The following KIAA2012 variants were observed in gnomAD, a reference collection of about 807,000 sequenced individuals.
KIAA2012 encodes uncharacterized protein KIAA2012.
A neutral mutation model predicts 150.6 loss-of-function variants in KIAA2012; 125 were observed. The observed-to-expected ratio is 0.83, with a 90% CI of 0.72 to 0.96. The LOEUF (loss-of-function observed/expected upper bound fraction) is 0.96, where lower values mean the gene tolerates loss of function less well. Among genes scored for constraint, KIAA2012 ranks in the 40% least tolerant of loss-of-function variants. The pLI, the probability that KIAA2012 is intolerant of heterozygous loss-of-function variation, is 0.00. For synonymous variants in KIAA2012, 462 were observed against 504.7 expected (o/e 0.92, Z 1.13); for missense variants, 1,219 against 1,354.9 (o/e 0.90, Z 1.57).
At chr2:202,166,920 C>T (rs1269380561) in intron 15 of KIAA2012, among the ~76,000 whole-genome samples, 1 of 152,166 alleles carries the variant, frequency 6.6e-6, no homozygotes, top group Non-Finnish European at 1.5e-5. Flanking sequence ...AAATACAAAA[C>T]TTTCCACTTT....
intron 21 of KIAA2012, among the ~76,000 whole-genome samples, chr2:202,195,250 GCTCACA>G (rs1283565047): frequency 1.3e-5 from 2 of 151,582 alleles, no homozygotes; most frequent in Non-Finnish European, 2.9e-5. Flanking sequence ...AGGTGTGGTG[GCTCACA>G]CCTATAATCC....
At chr2:202,182,786 C>T (rs1559231150) in intron 15 of KIAA2012, among the ~76,000 whole-genome samples, 2 of 152,140 alleles carry the variant, frequency 1.3e-5, no homozygotes, top group African/African-American at 4.8e-5. Context: ...TTCCAAACAG[C>T]AGTAGATGAG....
At chr2:202,141,762 AC>A (rs1370832537) in intron 13 of KIAA2012, among the ~76,000 whole-genome samples, 1 of 152,122 alleles carries the variant, frequency 6.6e-6, no homozygotes, top group Non-Finnish European at 1.5e-5. Context: ...TATTGCTCTT[AC>A]CTCGGTGAGC....
intron 22 of KIAA2012, chr2:202,202,017 C>T (rs1692539790): frequency 7.0e-6 from 4 of 574,920 alleles, no homozygotes; most frequent in Non-Finnish European, 1.2e-5. Context: ...GTGGCGCTGC[C>T]GCCGCAGTTT....
chr2:202,150,744 G>C (rs1691410572), intron 13 of KIAA2012, among the ~76,000 whole-genome samples: 1 of 152,132 alleles, frequency 6.6e-6, no homozygotes, highest in African/African-American at 2.4e-5. Context: ...CACCGCACCT[G>C]TCCATTCCAT....
chr2:202,170,952 A>C (rs1691874045), intron 15 of KIAA2012, among the ~76,000 whole-genome samples: 1 of 152,206 alleles, frequency 6.6e-6, no homozygotes, highest in African/African-American at 2.4e-5. Flanking sequence ...AGAGTGGTTA[A>C]GTACCACATC....
intron 13 of KIAA2012, among the ~76,000 whole-genome samples, chr2:202,146,631 CAAAA>C (rs34039489): frequency 5.2e-5 from 4 of 76,506 alleles, no homozygotes; most frequent in Non-Finnish European, 7.4e-5. Flanking sequence ...GACTCCATCT[CAAAA>C]AAAAAAAAAA....
chr2:202,119,913 A>G (rs1690618754), intron 11 of KIAA2012, among the ~76,000 whole-genome samples: 1 of 152,128 alleles, frequency 6.6e-6, no homozygotes, highest in Non-Finnish European at 1.5e-5. Flanking sequence ...AGGTGATTGA[A>G]TTATGGGGGC....
intron 12 of KIAA2012, among the ~76,000 whole-genome samples, chr2:202,132,802 A>ATTTTTT (rs1227829333): frequency 0.018 from 1,678 of 94,520 alleles, 27 homozygotes; most frequent in South Asian, 0.027. Context: ...ATATATATAT[A>ATTTTTT]TTTTTTTTTT....
chr2:202,074,751 C>G (rs933002536), intron 1 of KIAA2012, 140 bp from the exon 2 acceptor site: 1 of 831,082 alleles, frequency 1.2e-6, no homozygotes, highest in Non-Finnish European at 1.8e-6. Flanking sequence ...CTAAGAAGAG[C>G]AATTGTGTTC....
At chr2:202,142,123 A>G (rs1388697620) in intron 13 of KIAA2012, among the ~76,000 whole-genome samples, 2 of 152,210 alleles carry the variant, frequency 1.3e-5, no homozygotes. Flanking sequence ...TTGATTAACA[A>G]TTTATATGCA....
At chr2:202,117,575 A>G (rs1323127679) in intron 11 of KIAA2012, among the ~76,000 whole-genome samples, 1 of 152,214 alleles carries the variant, frequency 6.6e-6, no homozygotes, top group African/African-American at 2.4e-5. Context: ...TCCCACCTGT[A>G]CTGCCCAGGA....
chr2:202,074,920 CTA>C lies in KIAA2012; in HGVS notation c.116_117del (p.Tyr39CysfsTer9). Reference sequence around the variant, plus strand: ...ACTTGAACTGGAGGTCCCCAGAAGACTATGTTCCTGTCAGCAAACCTCAAGAT... The same window carrying C: ...ACTTGAACTGGAGGTCCCCAGAAGACTGTTCCTGTCAGCAAACCTCAAGAT... Reference protein sequence around the residue: ...DYLNWRSPEDYVPVSKPQDKN... With the variant: ...DYLNWRSPEDXVPVSKPQDKN... On this transcript the variant is annotated frameshift_variant, in exon 2 of 24. Transcript: ENST00000498697. LOFTEE classifies it high-confidence loss of function. The C allele has an allele frequency of 6.4e-7, 1 of 1,550,550 alleles. No homozygotes were observed. Among genetic ancestry groups the C allele is most frequent in the South Asian group, 1.2e-5 (1 of 83,906 alleles).
intron 14 of KIAA2012, among the ~76,000 whole-genome samples, chr2:202,163,632 G>A (rs1469991271): frequency 1.3e-5 from 2 of 152,148 alleles, no homozygotes; most frequent in African/African-American, 2.4e-5. Context: ...TGAGACTGAA[G>A]TTTGATCCTT....
chr2:202,113,596 C>A, intron 11 of KIAA2012, 150 bp downstream of exon 11: 1 of 600,566 alleles, frequency 1.7e-6, no homozygotes, highest in Non-Finnish European at 3.0e-6. Context: ...CACAGAGGTG[C>A]TTCTGTAGCT....
intron 8 of KIAA2012, 39 bp downstream of exon 8, chr2:202,103,153 T>G (rs1237850699): frequency 6.5e-7 from 1 of 1,538,680 alleles, no homozygotes; most frequent in Non-Finnish European, 8.8e-7. Flanking sequence ...AGGGAGAGCC[T>G]GGGATGGGGG....
intron 15 of KIAA2012, among the ~76,000 whole-genome samples, chr2:202,183,476 ATT>A (rs71406950): frequency 0.045 from 4,314 of 95,738 alleles, 183 homozygotes; most frequent in African/African-American, 0.15. Context: ...GGTTTTTTAA[ATT>A]TTTTTTTTTT....
At position 202,133,109 on chromosome 2, in the gene KIAA2012, A is replaced by AAAAAT. The variant is rs766606713; in HGVS notation, c.1832-5322_1832-5321insAAATA. The stretch of plus-strand genomic sequence containing the variant: ...GACAGTGTGAGACTGTCTAAAAAAA[A>AAAAAT]ATATATATATATATATATATATTTT... On this transcript the variant is annotated intron_variant, in intron 12 of 23. Coordinates refer to ENST00000498697, the MANE Select transcript of KIAA2012 (RefSeq NM_001277372.4). Among the ~76,000 whole-genome samples, 93 of 87,874 alleles carry AAAAAT rather than the reference A, an allele frequency of 1.1e-3. 6 individuals are homozygous for AAAAAT. The highest frequency in any genetic ancestry group is 3.3e-3 in the African/African-American group (71 of 21,502). 57.6% of individuals were successfully genotyped at this position (87,874 alleles called of 152,430 possible).
chr2:202,118,363 G>T (rs894292304), intron 11 of KIAA2012, among the ~76,000 whole-genome samples: 1 of 152,136 alleles, frequency 6.6e-6, no homozygotes, highest in Non-Finnish European at 1.5e-5. Context: ...TCCAGTGGGT[G>T]TTCCTGTACT....
Sources: allele counts gnomAD v4.1 joint callset (sites outside exome capture counted in the v4.1 genomes callset), GRCh38; gene constraint gnomAD v4.1.1; transcripts MANE v1.5; gene names NCBI Gene and HGNC (gene_info 2026-07-23, HGNC 2026-07-21).